NCF4: variants seen among roughly 807,000 people sequenced by gnomAD.
NCF4 encodes neutrophil cytosol factor 4.
Under a neutral mutation model 41.7 loss-of-function variants are expected in NCF4, and 30 were observed. That is an observed-to-expected ratio of 0.72 (90% CI 0.54 to 0.97). The LOEUF (loss-of-function observed/expected upper bound fraction) is 0.97. Among genes scored for constraint, NCF4 ranks in the 50% least tolerant of loss-of-function variants. The pLI is 0.00. For missense variants in NCF4, 432 were observed against 460.9 expected, an observed-to-expected ratio of 0.94 and a Z score of 0.57; for synonymous variants, 195 against 175.8, an observed-to-expected ratio of 1.11 and a Z score of -0.87.
rs1391740336 is a variant in NCF4 at position 36,870,551 on chromosome 22, C to G, written c.470+9C>G. The G allele has an allele frequency of 3.1e-6, 5 of 1,610,298 alleles. No individual in the cohort carries two copies. Among genetic ancestry groups the G allele is most frequent in the Non-Finnish European group, 4.2e-6 (5 of 1,180,002 alleles). On this transcript the variant is annotated intron_variant, in intron 5 of 9. Transcript: ENST00000248899. ...CCGCGCACCCGGAAAGTGTAAGTGA[C>G]CAGCCCCTGGGCTTCCACATGGCCA...
chr22:36,864,277 T>C, intron 2 of NCF4, 148 bp downstream of exon 2: 1 of 761,840 alleles, frequency 1.3e-6, no homozygotes, highest in Non-Finnish European at 2.4e-6. Context: ...ATTTTGCCCA[T>C]TTGACATTAC....
In NCF4 at chr22:36,872,528, T is replaced by A. The variant is rs549743904; in HGVS notation, c.627+103T>A. The A allele has an allele frequency of 1.7e-5, 16 of 959,462 alleles. No individual in the cohort carries two copies. In the East Asian group the frequency reaches 4.1e-4, roughly 24 times the overall value. The allele number at this position is 959,462 out of a possible 1,614,324, so 59.4% of individuals were successfully genotyped here. ...GTGGAAGTGCAATTGGAGGTGAGGA[T>A]GAAGGTGAGGGTGGAGGTGAGATTG... is the stretch of plus-strand genomic sequence containing the variant. On this transcript the variant is annotated intron_variant, in intron 7 of 9. Transcript: ENST00000248899.
chr22:36,871,714 C>A lies in NCF4; in HGVS notation c.528+5C>A. The A allele has an allele frequency of 6.4e-7, 1 of 1,558,008 alleles. No individual in the cohort carries two copies. The highest frequency in any genetic ancestry group is 8.7e-7 in the Non-Finnish European group (1 of 1,150,300). On this transcript the variant is annotated splice_donor_5th_base_variant and intron_variant, in intron 6 of 9. Transcript: ENST00000248899. ...ATGGCAGCTCCGAGAGCAGAGGTAA[C>A]CCCCGCCCCCACGCTGGCCAGGCTC...
intron 3 of NCF4, 121 bp from the exon 4 acceptor site, chr22:36,867,271 G>T: frequency 1.0e-6 from 1 of 994,878 alleles, no homozygotes; most frequent in Admixed American, 2.0e-5. Flanking sequence ...AAAGATAACA[G>T]GGAAGAATGC....
rs1601547715 is a variant in NCF4 at position 36,865,340 on chromosome 22, A to G, written c.271+268A>G. ...CCACTCGCTCCTGCTGTCCACTACC[A>G]GGAGGCCACAGTCTGGAGCACTTCA... On this transcript the variant is annotated intron_variant, in intron 3 of 9. Transcript: ENST00000248899. The surrounding 1 kb of genome is among the most constrained non-coding windows in gnomAD (Gnocchi z 4.3). Among the ~76,000 whole-genome samples the G allele has an allele frequency of 6.6e-6, 1 of 151,960 alleles. No homozygotes were observed. The highest frequency in any genetic ancestry group is 1.5e-5 in the Non-Finnish European group (1 of 67,976).
intron 1 of NCF4, among the ~76,000 whole-genome samples, chr22:36,861,732 A>T (rs1939778702): frequency 6.6e-6 from 1 of 151,832 alleles, no homozygotes; most frequent in South Asian, 2.1e-4. Flanking sequence ...CTCATTTATT[A>T]TTTTTTCTTG....
chr22:36,866,187 C>T (rs1841339653), intron 3 of NCF4, among the ~76,000 whole-genome samples: 1 of 152,146 alleles, frequency 6.6e-6, no homozygotes. Flanking sequence ...GCATCAAATT[C>T]ACGCACTGTC....
chr22:36,872,052 G>T, intron 6 of NCF4: 1 of 684,896 alleles, frequency 1.5e-6, no homozygotes, highest in Non-Finnish European at 2.7e-6. Flanking sequence ...GAAGCCTGGG[G>T]ACCAGGGTGG....
chr22:36,868,261 T>C (rs1261480528), intron 4 of NCF4, among the ~76,000 whole-genome samples: 1 of 152,234 alleles, frequency 6.6e-6, no homozygotes, highest in East Asian at 1.9e-4. Context: ...AGCGCTGGGC[T>C]AGGATCCTTT....
rs1222584852 is a variant in NCF4, at chr22:36,875,702, T to C, written c.677T>C (p.Ile226Thr). 4 of 1,613,382 alleles carry C rather than the reference T, an allele frequency of 2.5e-6. No individual in the cohort carries two copies. In the African/African-American group the frequency reaches 5.3e-5, roughly 22 times the overall value. The change falls in exon 8 of 10, where the codon ATC becomes ACC. Residue 226 changes from isoleucine (I) to threonine (T), a missense_variant. By Grantham distance (89) the Ile-to-Thr change is moderately conservative (BLOSUM62 -1). Transcript: ENST00000248899. ...ATCTTCCCTCTCTCCTTCGTGAAGATCCTCAAAGACTTCCCTGAGGAGGAC... is the reference window on the plus strand; with the variant it reads ...ATCTTCCCTCTCTCCTTCGTGAAGACCCTCAAAGACTTCCCTGAGGAGGAC... ...TGIFPLSFVK[I>T]LKDFPEEDDP...
Position 36,861,040 on chromosome 22 carries a change from G to C in NCF4, c.-132G>C. 8.1e-7 allele frequency: 1 copy of C among 1,236,716 alleles called. No homozygotes were observed. The highest frequency in any genetic ancestry group is 1.3e-5 in the South Asian group (1 of 77,740). 76.6% of individuals were successfully genotyped at this position (1,236,716 alleles called of 1,614,324 possible). A position where few individuals can be genotyped will look rare whatever the true frequency, so the allele number is the denominator to read the frequency against. ...AGAAGCAGGCCTGAGCCTCCCCAAAGGCAGCTCCTGGGGACTCCCAGGACC... is the reference window on the plus strand; with the variant it reads ...AGAAGCAGGCCTGAGCCTCCCCAAACGCAGCTCCTGGGGACTCCCAGGACC... On this transcript the variant is annotated 5_prime_UTR_variant, in exon 1 of 10. Transcript: ENST00000248899.
At chr22:36,876,538 T>C (rs766634388) in intron 9 of NCF4, among the ~76,000 whole-genome samples, 2 of 152,166 alleles carry the variant, frequency 1.3e-5, no homozygotes, top group Non-Finnish European at 2.9e-5. Context: ...GTCAGAAAGA[T>C]ACAAAGAAGT....
At chr22:36,871,224 G>A (rs1940047550) in intron 5 of NCF4, among the ~76,000 whole-genome samples, 1 of 152,198 alleles carries the variant, frequency 6.6e-6, no homozygotes, top group African/African-American at 2.4e-5. Context: ...AATTCCAGCT[G>A]TGCCATGTGG....
At chr22:36,871,540 C>G in intron 5 of NCF4, 112 bp from the exon 6 acceptor site, 1 of 1,214,840 alleles carries the variant, frequency 8.2e-7, no homozygotes, top group Non-Finnish European at 1.2e-6. Flanking sequence ...TCAGCATCTT[C>G]TGTCTCCTCT....
rs565097509 is a variant in NCF4 at position 36,865,322 on chromosome 22, C to T, written c.271+250C>T. Among the ~76,000 whole-genome samples, 7 of 152,148 alleles carry T rather than the reference C, an allele frequency of 4.6e-5. No individual in the cohort carries two copies. The highest frequency in any genetic ancestry group is 7.4e-5 in the Non-Finnish European group (5 of 68,012). Reference sequence around the variant, plus strand: ...CTCTGATGACCATCGTGGCCACTCGCTCCTGCTGTCCACTACCAGGAGGCC... The same window carrying T: ...CTCTGATGACCATCGTGGCCACTCGTTCCTGCTGTCCACTACCAGGAGGCC... On this transcript the variant is annotated intron_variant, in intron 3 of 9. Coordinates refer to ENST00000248899, the MANE Select transcript of NCF4 (RefSeq NM_000631.5). The surrounding 1 kb of genome is among the most constrained non-coding windows in gnomAD (Gnocchi z 4.3).
chr22:36,866,936 G>A (rs1174970918), intron 3 of NCF4, among the ~76,000 whole-genome samples: 2 of 152,086 alleles, frequency 1.3e-5, no homozygotes, highest in Admixed American at 6.6e-5. Flanking sequence ...TGGTTCCTGA[G>A]TCCTGCCCCC....
In NCF4 at chr22:36,861,077, C is replaced by A; in HGVS notation, c.-95C>A. 1.3e-6 allele frequency: 2 copies of A among 1,499,538 alleles called. No individual in the cohort carries two copies. Among genetic ancestry groups the A allele is most frequent in the Admixed American group, 2.0e-5 (1 of 50,928 alleles). 92.9% of individuals were successfully genotyped at this position (1,499,538 alleles called of 1,614,324 possible). On this transcript the variant is annotated 5_prime_UTR_variant, in exon 1 of 10. Transcript: ENST00000248899. ...GGACTCCCAGGACCACAGGCTGAGA[C>A]GAGACGCAGGGTGGCTGGAGGAAGT...
intron 4 of NCF4, among the ~76,000 whole-genome samples, chr22:36,868,407 C>G (rs1017941649): frequency 6.6e-6 from 1 of 152,230 alleles, no homozygotes; most frequent in Non-Finnish European, 1.5e-5. Flanking sequence ...CTGTCGAGAA[C>G]AGGATGAGAA....
At chr22:36,866,484 G>A (rs946917670) in intron 3 of NCF4, among the ~76,000 whole-genome samples, 1 of 152,070 alleles carries the variant, frequency 6.6e-6, no homozygotes, top group South Asian at 2.1e-4. Context: ...GGGATCCTCT[G>A]AGCAGACATC....
Sources: gnomAD v4.1 joint callset for allele counts (sites outside exome capture counted in the v4.1 genomes callset) on GRCh38, gnomAD v4.1.1 for gene constraint, Gnocchi (gnomAD v3.1) non-coding constraint, MANE v1.5 for transcripts, NCBI Gene and HGNC (gene_info 2026-07-23, HGNC 2026-07-21) for gene names.